SYT1: variants seen among roughly 807,000 people sequenced by gnomAD.
SYT1 encodes the protein synaptotagmin 1.
In SYT1, 8 loss-of-function variants were observed where a neutral mutation model predicts 44.8. The ratio of observed to expected loss-of-function variants is 0.18; its 90% confidence interval spans 0.10 to 0.32. The LOEUF is 0.32. SYT1 is among the 10% of genes least tolerant of loss of function. SYT1 has a pLI of 1.00. For missense variants in SYT1, 286 were observed against 509.3 expected (o/e 0.56, Z 4.22); for synonymous variants, 154 against 188.8 (o/e 0.82, Z 1.51).
chr12:79,014,340 A>T (rs190442485), intron 2 of SYT1, among the ~76,000 whole-genome samples: 12 of 152,252 alleles, frequency 7.9e-5, no homozygotes, highest in Admixed American at 5.9e-4. Context: ...TATTTAGAAT[A>T]ATGTTTAGAA....
chr12:79,351,553 CCCT>C (rs1437909908), intron 8 of SYT1, among the ~76,000 whole-genome samples: 1 of 150,992 alleles, frequency 6.6e-6, no homozygotes, highest in Non-Finnish European at 1.5e-5. Flanking sequence ...AAAAAAAGAG[CCCT>C]CCTCCTAACG....
chr12:79,044,741 T>C (rs1873874260), intron 2 of SYT1, among the ~76,000 whole-genome samples: 1 of 149,640 alleles, frequency 6.7e-6, no homozygotes, highest in Admixed American at 6.7e-5. Context: ...GTTCTGTTTT[T>C]TCCCCATCTT....
chr12:78,942,382 C>A (rs115683096), intron 1 of SYT1, among the ~76,000 whole-genome samples: 1 of 152,146 alleles, frequency 6.6e-6, no homozygotes, highest in Non-Finnish European at 1.5e-5. Context: ...ACTAATCCAA[C>A]GATTCTCCAA....
intron 4 of SYT1, among the ~76,000 whole-genome samples, chr12:79,241,735 C>T (rs1030766241): frequency 1.7e-4 from 26 of 152,286 alleles, no homozygotes; most frequent in African/African-American, 6.3e-4. Flanking sequence ...TGCTGTGGGT[C>T]GAATCATGTG....
At chr12:78,902,689 A>G (rs1267427387) in intron 1 of SYT1, among the ~76,000 whole-genome samples, 1 of 152,180 alleles carries the variant, frequency 6.6e-6, no homozygotes, top group Non-Finnish European at 1.5e-5. Context: ...ACAAAATCAA[A>G]TTAAACATAA....
At chr12:79,295,041 G>A (rs754332146) in intron 6 of SYT1, among the ~76,000 whole-genome samples, 6 of 152,012 alleles carry the variant, frequency 3.9e-5, no homozygotes, top group Non-Finnish European at 7.4e-5. Context: ...TTTTAAGAGG[G>A]GGAATTGCTT....
At chr12:79,082,409 T>C (rs1851698109) in intron 3 of SYT1, among the ~76,000 whole-genome samples, 1 of 152,152 alleles carries the variant, frequency 6.6e-6, no homozygotes, top group Admixed American at 6.6e-5. Context: ...CCATAAATTT[T>C]TGTGCACCTA....
At chr12:79,045,999 A>G (rs962944927) in intron 2 of SYT1, among the ~76,000 whole-genome samples, 4 of 152,212 alleles carry the variant, frequency 2.6e-5, no homozygotes, top group Non-Finnish European at 4.4e-5. Flanking sequence ...GTTTTAATAA[A>G]AAAGAAGTGT....
At chr12:79,051,999 T>C (rs749803448) in intron 3 of SYT1, among the ~76,000 whole-genome samples, 3 of 152,240 alleles carry the variant, frequency 2.0e-5, no homozygotes, top group Non-Finnish European at 2.9e-5. Context: ...TAGGATTGAC[T>C]TGGCAATGCA....
At chr12:79,108,617 CT>C (rs1185582508) in intron 3 of SYT1, among the ~76,000 whole-genome samples, 1 of 152,106 alleles carries the variant, frequency 6.6e-6, no homozygotes, top group Non-Finnish European at 1.5e-5. Context: ...TGCATTTTTA[CT>C]TTCCTTCTCA....
intron 1 of SYT1, among the ~76,000 whole-genome samples, chr12:78,888,232 A>T (rs1874854359): frequency 6.6e-6 from 1 of 151,846 alleles, no homozygotes; most frequent in African/African-American, 2.4e-5. Flanking sequence ...TTACACATAT[A>T]ATTGTATAAA....
chr12:78,999,619 ACT>A (rs1331947747), intron 2 of SYT1, among the ~76,000 whole-genome samples: 4 of 152,162 alleles, frequency 2.6e-5, no homozygotes, highest in African/African-American at 7.2e-5. Flanking sequence ...AAATAATCAC[ACT>A]CTCAATATTT....
At chr12:79,087,572 T>C (rs1387882623) in intron 3 of SYT1, among the ~76,000 whole-genome samples, 1 of 151,958 alleles carries the variant, frequency 6.6e-6, no homozygotes, top group Non-Finnish European at 1.5e-5. Flanking sequence ...CCTAGTCTGG[T>C]GGAGGGGAAG....
intron 4 of SYT1, among the ~76,000 whole-genome samples, chr12:79,254,196 G>T (rs1877388544): frequency 6.6e-6 from 1 of 152,170 alleles, no homozygotes; most frequent in Non-Finnish European, 1.5e-5. Context: ...AGTTTCAAAG[G>T]ACAGGCTGAC....
At chr12:79,440,230 A>G (rs910425825) in intron 9 of SYT1, among the ~76,000 whole-genome samples, 3 of 152,188 alleles carry the variant, frequency 2.0e-5, no homozygotes, top group Non-Finnish European at 4.4e-5. Context: ...AAAAAGAGAG[A>G]GAGAGACTCA....
chr12:78,975,974 T>C (rs933940139), intron 1 of SYT1, among the ~76,000 whole-genome samples: 2 of 152,170 alleles, frequency 1.3e-5, no homozygotes, highest in Non-Finnish European at 2.9e-5. Flanking sequence ...AATCATCTCA[T>C]GCTCAATATT....
chr12:79,040,538 A>G (rs1270969664), intron 2 of SYT1, among the ~76,000 whole-genome samples: 1 of 152,044 alleles, frequency 6.6e-6, no homozygotes, highest in Non-Finnish European at 1.5e-5. Context: ...TTGACAGATG[A>G]GCAGGTTGCA....
intron 3 of SYT1, among the ~76,000 whole-genome samples, chr12:79,214,293 A>T (rs2138548749): frequency 6.6e-6 from 1 of 152,292 alleles, no homozygotes. Flanking sequence ...AACAGGGATG[A>T]TATCATTGGC....
At chr12:79,054,341 A>G (rs948052405) in intron 3 of SYT1, among the ~76,000 whole-genome samples, 10 of 152,022 alleles carry the variant, frequency 6.6e-5, no homozygotes, top group Non-Finnish European at 1.3e-4. Context: ...CATCATGCAT[A>G]TTTGTCCTTC....
Sources: gnomAD v4.1 joint callset for allele counts (sites outside exome capture counted in the v4.1 genomes callset) on GRCh38, gnomAD v4.1.1 for gene constraint, MANE v1.5 for transcripts, NCBI Gene and HGNC (gene_info 2026-07-23, HGNC 2026-07-21) for gene names.